Variants in POC1A observed in about 807,000 individuals in gnomAD.
POC1A encodes POC1 centriolar protein homolog A.
In POC1A, 34 loss-of-function variants were observed where a neutral mutation model predicts 47.8. The observed-to-expected ratio is 0.71, with a 90% confidence interval of 0.54 to 0.95. POC1A has a LOEUF of 0.95. POC1A is among the 40% of genes least tolerant of loss of function. POC1A has a pLI of 0.00. For missense variants in POC1A, 466 were observed against 528.3 expected (o/e 0.88, Z 1.16); for synonymous variants, 177 against 207.6 (o/e 0.85, Z 1.27).
Position 52,150,089 on chromosome 3 carries a change from T to C in POC1A, c.104-102A>G, listed in dbSNP as rs112566473. The C allele has an allele frequency of 4.6e-3, 4,050 of 881,960 alleles. 71 individuals are homozygous for C. Among genetic ancestry groups the C allele is most frequent in the African/African-American group, 0.042 (2,538 of 59,756 alleles). 54.6% of individuals were successfully genotyped at this position (881,960 alleles called of 1,614,324 possible). A position where few individuals can be genotyped will look rare whatever the true frequency, so the allele number is the denominator to read the frequency against. ...GGGAGCAACTGGCCCAGCTCCATCTTCCCTGGCATCCACAAACAGACCGTG... is the reference window on the plus strand; with the variant it reads ...GGGAGCAACTGGCCCAGCTCCATCTCCCCTGGCATCCACAAACAGACCGTG... On this transcript the variant is annotated intron_variant, in intron 2 of 10. Transcript: ENST00000296484.
chr3:52,135,415 G>T (rs375208612), intron 7 of POC1A, among the ~76,000 whole-genome samples: 32 of 152,300 alleles, frequency 2.1e-4, no homozygotes, highest in East Asian at 9.6e-4. Flanking sequence ...ACAGTGTCTT[G>T]CTTTGTCACC....
At chr3:52,138,431 C>T in intron 6 of POC1A, 129 bp from the exon 7 acceptor site, 1 of 904,760 alleles carries the variant, frequency 1.1e-6, no homozygotes, top group Non-Finnish European at 1.7e-6. Context: ...ATGGTCATTG[C>T]TCAGAAGAGC....
rs181004406 is a variant in POC1A, at chr3:52,090,096, A to T, written c.1125+6473T>A. ...AACGCAATGACTTGAACACTTAACA[A>T]AATCGAATGCCAAAGAGACCCAAAC... On this transcript the variant is annotated intron_variant, in intron 10 of 10. Transcript: ENST00000296484. This position sits in a 1 kb window ranked among gnomAD's most constrained non-coding sequence, Gnocchi z 4.2. 1.6e-4 allele frequency among the ~76,000 whole-genome samples: 25 copies of T among 152,292 alleles called. No homozygotes were observed. Among genetic ancestry groups the T allele is most frequent in the Non-Finnish European group, 1.8e-4 (12 of 68,016 alleles).
intron 9 of POC1A, among the ~76,000 whole-genome samples, chr3:52,100,351 C>T (rs1386067026): frequency 6.6e-6 from 1 of 152,214 alleles, no homozygotes. Context: ...CCTCTTCCAT[C>T]AAGATACAAG....
chr3:52,126,129 A>T (rs775040258), intron 7 of POC1A, among the ~76,000 whole-genome samples: 7 of 152,220 alleles, frequency 4.6e-5, no homozygotes, highest in Non-Finnish European at 8.8e-5. Flanking sequence ...CAGCACAGCC[A>T]CTGTCACCAA....
chr3:52,119,332 C>T (rs1703682553), intron 9 of POC1A, among the ~76,000 whole-genome samples: 1 of 152,056 alleles, frequency 6.6e-6, no homozygotes, highest in Non-Finnish European at 1.5e-5. Flanking sequence ...AGACTTATTG[C>T]AGTGATTCTA....
chr3:52,092,901 G>C (rs1417221885), intron 10 of POC1A, among the ~76,000 whole-genome samples: 1 of 152,206 alleles, frequency 6.6e-6, no homozygotes, highest in Admixed American at 6.5e-5. Context: ...TGGGAAGGCT[G>C]GGGGAAGCTG....
At chr3:52,126,764 A>T (rs1226124552) in intron 7 of POC1A, among the ~76,000 whole-genome samples, 1 of 152,232 alleles carries the variant, frequency 6.6e-6, no homozygotes, top group African/African-American at 2.4e-5. Flanking sequence ...TGACAAAGAA[A>T]AGCGGGCCAA....
At chr3:52,092,930 T>C (rs1702691600) in intron 10 of POC1A, among the ~76,000 whole-genome samples, 1 of 152,196 alleles carries the variant, frequency 6.6e-6, no homozygotes, top group Admixed American at 6.5e-5. Context: ...GCTGGCTTGC[T>C]CCGGAGACCA....
chr3:52,140,898 T>C (rs1698170273), intron 6 of POC1A, among the ~76,000 whole-genome samples: 1 of 152,242 alleles, frequency 6.6e-6, no homozygotes, highest in Non-Finnish European at 1.5e-5. Context: ...CATGAGGGCA[T>C]GAGCCTTCTA....
Position 52,150,990 on chromosome 3 carries a change from C to G in POC1A, c.103+26G>C, listed in dbSNP as rs745386232. Reference sequence around the variant, plus strand: ...TTGGCCTGTTCAGCTCATAACCTAGCACCTAGACAGGGTGCCTCTTCTTAC... The same window carrying G: ...TTGGCCTGTTCAGCTCATAACCTAGGACCTAGACAGGGTGCCTCTTCTTAC... On this transcript the variant is annotated intron_variant, in intron 2 of 10. Coordinates refer to ENST00000296484, the MANE Select transcript of POC1A (RefSeq NM_015426.5). The G allele has an allele frequency of 1.9e-6, 3 of 1,612,302 alleles. No individual in the cohort carries two copies. In the East Asian group the frequency reaches 6.7e-5, roughly 36 times the overall value.
At chr3:52,081,448 G>A (rs1702278085) in intron 10 of POC1A, among the ~76,000 whole-genome samples, 1 of 152,182 alleles carries the variant, frequency 6.6e-6, no homozygotes, top group African/African-American at 2.4e-5. Context: ...GTGCACCACA[G>A]TTCAACGAGG....
At position 52,147,047 on chromosome 3, in the gene POC1A, A is replaced by T; in HGVS notation, c.504T>A (p.Thr168=). 1 of 1,614,142 alleles carries T rather than the reference A, an allele frequency of 6.2e-7. No individual in the cohort carries two copies. Among genetic ancestry groups the T allele is most frequent in the Non-Finnish European group, 8.5e-7 (1 of 1,180,022 alleles). The part of the protein sequence containing the change: ...RLIVSASDDK[T]VKLWDKSSRE... ...GGCTGCTCTTGTCCCACAGCTTAAC[A>T]GTCTTGTCATCACTGGCAGACACGA... Residue 168 remains threonine (T), a synonymous_variant, in exon 5 of 11, where the codon ACT becomes ACA. Transcript: ENST00000296484.
chr3:52,148,137 C>A (rs961540009), intron 4 of POC1A, among the ~76,000 whole-genome samples: 4 of 152,222 alleles, frequency 2.6e-5, no homozygotes, highest in Non-Finnish European at 5.9e-5. Context: ...TACTCTGGGA[C>A]CAGGTCCTCC....
intron 5 of POC1A, 33 bp from the exon 6 acceptor site, chr3:52,145,994 A>T: frequency 7.4e-7 from 1 of 1,344,552 alleles, no homozygotes; most frequent in Non-Finnish European, 1.1e-6. Flanking sequence ...GCACTATAGG[A>T]GGTCTGCCCT....
At chr3:52,116,707 C>T (rs1265883489) in intron 9 of POC1A, among the ~76,000 whole-genome samples, 1 of 152,142 alleles carries the variant, frequency 6.6e-6, no homozygotes, top group Admixed American at 6.5e-5. Context: ...ACATAATCTC[C>T]TGGATTGGCT....
At chr3:52,112,649 A>C (rs138390958) in intron 9 of POC1A, among the ~76,000 whole-genome samples, 18 of 152,222 alleles carry the variant, frequency 1.2e-4, no homozygotes, top group Middle Eastern at 3.4e-3. Flanking sequence ...CTCAAAAAAT[A>C]CCAAAAACAA....
rs559003972 is a variant in POC1A at position 52,089,625 on chromosome 3, C to A, written c.1125+6944G>T. 7.2e-5 allele frequency among the ~76,000 whole-genome samples: 11 copies of A among 152,294 alleles called. No individual in the cohort carries two copies. In the East Asian group the frequency reaches 1.9e-3, roughly 27 times the overall value. ...CCCACCACCACCCTTATGGCCCTGT[C>A]TGCGAGTGGAAGCAGTGTTAGGAGG... On this transcript the variant is annotated intron_variant, in intron 10 of 10. Transcript: ENST00000296484.
chr3:52,145,875 C>T lies in POC1A; in HGVS notation c.650G>A (p.Arg217Gln), dbSNP rs753311914. The T allele has an allele frequency of 1.4e-5, 22 of 1,613,498 alleles. No individual in the cohort carries two copies. Among genetic ancestry groups the T allele is most frequent in the African/African-American group, 8.0e-5 (6 of 74,946 alleles). ...MDNTVKVWDV[R>Q]THRLLQHYQL... The stretch of plus-strand genomic sequence containing the variant: ...ATAATGCTGCAGCAGCCGGTGAGTC[C>T]GCACGTCCCACACCTTCACTGTGTT... The change falls in exon 6 of 11, where the codon CGG becomes CAG. Residue 217 changes from arginine (R) to glutamine (Q), a missense_variant. Arg to Gln is a conservative substitution (Grantham distance 43). Transcript: ENST00000296484.
Sources: gnomAD v4.1 joint callset for allele counts (sites outside exome capture counted in the v4.1 genomes callset) on GRCh38, gnomAD v4.1.1 for gene constraint, Gnocchi (gnomAD v3.1) non-coding constraint, MANE v1.5 for transcripts, NCBI Gene and HGNC (gene_info 2026-07-23, HGNC 2026-07-21) for gene names.